Variants in NUP93 observed in about 807,000 individuals in gnomAD.
NUP93 encodes the protein nucleoporin 93.
In NUP93, 55 loss-of-function variants were observed where a neutral mutation model predicts 107.8. The observed-to-expected ratio is 0.51, with a 90% CI of 0.41 to 0.64. The LOEUF (loss-of-function observed/expected upper bound fraction) is 0.64, where lower values mean the gene tolerates loss of function less well. Ranked by LOEUF, NUP93 falls within the 30% of genes least tolerant of loss-of-function variation. The pLI is 0.00. For synonymous variants in NUP93, 390 were observed against 397.5 expected (o/e 0.98, Z 0.22); for missense variants, 937 against 1,044.7 (o/e 0.90, Z 1.42).
intron 3 of NUP93, among the ~76,000 whole-genome samples, chr16:56,759,313 G>A (rs1962083592): frequency 6.6e-6 from 1 of 152,198 alleles, no homozygotes; most frequent in East Asian, 1.9e-4. Flanking sequence ...GGGACAGTGG[G>A]GCACCATTTT....
At position 56,787,360 on chromosome 16, in the gene NUP93, G is replaced by C. The variant is rs111838287; in HGVS notation, c.298-11116G>C. ...GACTGCAGTGTAAATGACTGACACCGTATACCAGCAGGGAAATGTGAGACT... is the reference window on the plus strand; with the variant it reads ...GACTGCAGTGTAAATGACTGACACCCTATACCAGCAGGGAAATGTGAGACT... On this transcript the variant is annotated intron_variant, in intron 3 of 21. Coordinates refer to ENST00000308159, the MANE Select transcript of NUP93 (RefSeq NM_014669.5). Among the ~76,000 whole-genome samples the C allele has an allele frequency of 3.6e-3, 552 of 152,286 alleles. 7 individuals carry two copies. Among genetic ancestry groups the C allele is most frequent in the African/African-American group, 0.013 (523 of 41,550 alleles).
intron 11 of NUP93, 103 bp downstream of exon 11, chr16:56,832,110 C>G: frequency 1.4e-6 from 2 of 1,425,728 alleles, no homozygotes; most frequent in Non-Finnish European, 2.0e-6. Flanking sequence ...ATACAGTGAT[C>G]AGGACCAGTG....
chr16:56,818,523 C>A, intron 5 of NUP93, 141 bp from the exon 6 acceptor site: 1 of 647,636 alleles, frequency 1.5e-6, no homozygotes, highest in Non-Finnish European at 2.7e-6. Flanking sequence ...TCCCTAAAAT[C>A]ATCACTTTGA....
At chr16:56,745,356 G>A (rs7199897) in intron 1 of NUP93, among the ~76,000 whole-genome samples, 47,779 of 151,984 alleles carry the variant, frequency 0.31, 7,915 homozygotes, top group East Asian at 0.46. Flanking sequence ...TGATGAGGGG[G>A]GGTGGGGCCC....
chr16:56,731,541 G>A (rs956460386), intron 1 of NUP93, among the ~76,000 whole-genome samples: 11 of 151,982 alleles, frequency 7.2e-5, no homozygotes, highest in African/African-American at 2.7e-4. Context: ...CCAAGTAGCT[G>A]GGATTACAGG....
In NUP93 at chr16:56,848,648, TAAAGTGTTCTG is replaced by T. The variant is rs1380300911; in HGVS notation, c.*4043_*4053del. ...GAAAAGGAAAAAAGTTAAAAATTAC[TAAAGTGTTCTG>T]AAAAGAGATTTCAAGTGGTCTGTGC... On this transcript the variant is annotated 3_prime_UTR_variant, in exon 22 of 22. Coordinates refer to ENST00000308159, the MANE Select transcript of NUP93 (RefSeq NM_014669.5). 1.3e-5 allele frequency: 2 copies of T among 152,246 alleles called. No individual in the cohort carries two copies. The highest frequency in any genetic ancestry group is 4.8e-5 in the African/African-American group (2 of 41,466). 9.4% of individuals were successfully genotyped at this position (152,246 alleles called of 1,614,324 possible).
intron 3 of NUP93, among the ~76,000 whole-genome samples, chr16:56,776,246 C>T (rs186172682): frequency 6.6e-6 from 1 of 152,124 alleles, no homozygotes; most frequent in Admixed American, 6.5e-5. Flanking sequence ...TTGTTTAAAT[C>T]GTTGAGGGTT....
At position 56,839,260 on chromosome 16, in the gene NUP93, T is replaced by TG. The variant is rs1555497737; in HGVS notation, c.2136+192dup. 34 of 275,544 alleles carry TG rather than the reference T, an allele frequency of 1.2e-4. 1 individual carries two copies. The highest frequency in any genetic ancestry group is 9.5e-4 in the East Asian group (11 of 11,566). The allele number at this position is 275,544 out of a possible 1,614,324, so 17.1% of individuals were successfully genotyped here. ...TTTTTTTTTTTTTTTTTTTTTTTTT[T>TG]GCCTATTCCTTTCCCCTTTAATCTG... On this transcript the variant is annotated intron_variant, in intron 19 of 21. Transcript: ENST00000308159.
In NUP93 at chr16:56,758,585, A is replaced by T. The variant is rs1448503008; in HGVS notation, c.227A>T (p.Gln76Leu). 5 of 1,613,838 alleles carry T rather than the reference A, an allele frequency of 3.1e-6. No homozygotes were observed. Among genetic ancestry groups the T allele is most frequent in the Non-Finnish European group, 4.2e-6 (5 of 1,179,852 alleles). ...GGACTTGACATATCCCACATCTCCC[A>T]GCGATTGGAGAGTCTGAGTGCAGCC... The part of the protein sequence containing the change: ...SRGLDISHIS[Q>L]RLESLSAATT... Residue 76 changes from glutamine to leucine, a missense_variant, in exon 3 of 22, where the codon CAG (glutamine) becomes CTG (leucine). Coordinates refer to ENST00000308159, the MANE Select transcript of NUP93 (RefSeq NM_014669.5).
chr16:56,820,581 T>A (rs1343039481), intron 6 of NUP93, among the ~76,000 whole-genome samples: 7 of 152,196 alleles, frequency 4.6e-5, no homozygotes, highest in Admixed American at 4.6e-4. Context: ...CCTCCCAAAG[T>A]GCTGGGATTA....
At position 56,835,235 on chromosome 16, in the gene NUP93, G is replaced by A. The variant is rs1963885821; in HGVS notation, c.1782+457G>A. 2.0e-5 allele frequency among the ~76,000 whole-genome samples: 3 copies of A among 152,208 alleles called. No individual in the cohort carries two copies. In the South Asian group the frequency reaches 6.2e-4, roughly 32 times the overall value. ...TGGAAATACTTCTGGAAGCTTGAGGGATTTCAGGACTCACTATGCCCATTG... is the reference window on the plus strand; with the variant it reads ...TGGAAATACTTCTGGAAGCTTGAGGAATTTCAGGACTCACTATGCCCATTG... On this transcript the variant is annotated intron_variant, in intron 16 of 21. Transcript: ENST00000308159.
At chr16:56,770,170 G>A (rs1190516573) in intron 3 of NUP93, among the ~76,000 whole-genome samples, 1 of 152,210 alleles carries the variant, frequency 6.6e-6, no homozygotes, top group African/African-American at 2.4e-5. Context: ...ACTAAGCAGG[G>A]AAGGGAGAAG....
chr16:56,800,098 G>A (rs1459147632), intron 4 of NUP93, among the ~76,000 whole-genome samples: 1 of 152,130 alleles, frequency 6.6e-6, no homozygotes, highest in Non-Finnish European at 1.5e-5. Flanking sequence ...CAGGAGAACC[G>A]CTTGAACCTA....
At chr16:56,831,622 A>G (rs1479586920) in intron 10 of NUP93, 1 of 484,300 alleles carries the variant, frequency 2.1e-6, no homozygotes, top group Non-Finnish European at 3.7e-6. Context: ...GGCCTCAGCA[A>G]ATAGAAAACC....
chr16:56,761,923 A>G (rs1231442794), intron 3 of NUP93, among the ~76,000 whole-genome samples: 1 of 152,212 alleles, frequency 6.6e-6, no homozygotes, highest in Non-Finnish European at 1.5e-5. Context: ...GTGACCACCA[A>G]AGGTAGTATA....
intron 8 of NUP93, among the ~76,000 whole-genome samples, chr16:56,827,044 CA>C (rs1188027635): frequency 8.4e-4 from 45 of 53,608 alleles, no homozygotes; most frequent in African/African-American, 1.3e-3. Context: ...GACTCCGTCT[CA>C]AAAAAAAAAA....
intron 3 of NUP93, among the ~76,000 whole-genome samples, chr16:56,794,568 G>C (rs1251808264): frequency 7.1e-6 from 1 of 141,358 alleles, no homozygotes; most frequent in Non-Finnish European, 1.5e-5. Context: ...CATTTGTGTT[G>C]TAAGTGTGTG....
intron 8 of NUP93, among the ~76,000 whole-genome samples, chr16:56,826,688 T>G (rs1963667505): frequency 6.6e-6 from 1 of 152,112 alleles, no homozygotes. Flanking sequence ...GAGGCTCCTA[T>G]TACCTTGTTG....
intron 21 of NUP93, among the ~76,000 whole-genome samples, chr16:56,843,327 T>A (rs1283260119): frequency 6.6e-6 from 1 of 152,220 alleles, no homozygotes; most frequent in Non-Finnish European, 1.5e-5. Flanking sequence ...CTCTGTGTGC[T>A]GCTTACAGTT....
Sources: allele counts gnomAD v4.1 joint callset (sites outside exome capture counted in the v4.1 genomes callset), GRCh38; gene constraint gnomAD v4.1.1; transcripts MANE v1.5; gene names NCBI Gene and HGNC (gene_info 2026-07-23, HGNC 2026-07-21).